Variants in MBNL2 observed in about 807,000 individuals in gnomAD.
The protein encoded by MBNL2 is muscleblind like splicing regulator 2.
MBNL2 carries 17 observed loss-of-function variants against 41.9 expected under a neutral mutation model. The ratio of observed to expected loss-of-function variants is 0.41; its 90% CI spans 0.28 to 0.61. The LOEUF is 0.61. Among genes scored for constraint, MBNL2 ranks in the 20% least tolerant of loss-of-function variants. MBNL2 has a pLI of 0.35. For missense variants in MBNL2, 336 were observed against 505.6 expected (o/e 0.66, Z 3.22); for synonymous variants, 195 against 182.9 (o/e 1.07, Z -0.53).
At chr13:97,263,837 C>G (rs1029482639) in intron 1 of MBNL2, among the ~76,000 whole-genome samples, 1 of 151,846 alleles carries the variant, frequency 6.6e-6, no homozygotes, top group South Asian at 2.1e-4. Flanking sequence ...AAGATGGTCT[C>G]GAACTCCTGA....
At chr13:97,277,376 A>G (rs906843306) in intron 2 of MBNL2, among the ~76,000 whole-genome samples, 7 of 152,196 alleles carry the variant, frequency 4.6e-5, no homozygotes, top group South Asian at 2.1e-4. Flanking sequence ...ACATCTCTGC[A>G]AGACTTCAGC....
rs150370589 is a variant in MBNL2, at chr13:97,341,076, C to T, written c.340-1940C>T. Among the ~76,000 whole-genome samples the T allele has an allele frequency of 1.3e-3, 205 of 152,224 alleles. 2 individuals carry two copies. The highest frequency in any genetic ancestry group is 4.4e-3 in the African/African-American group (181 of 41,528). ...GCAGTATGGGGGAGGGCTCTTTTATCTAAATGTTTACGTTGATAGTCTCTG... is the reference window on the plus strand; with the variant it reads ...GCAGTATGGGGGAGGGCTCTTTTATTTAAATGTTTACGTTGATAGTCTCTG... On this transcript the variant is annotated intron_variant, in intron 3 of 8. Coordinates refer to ENST00000679496, the MANE Select transcript of MBNL2 (RefSeq NM_001382683.1).
At chr13:97,293,494 C>T (rs1475957764) in intron 2 of MBNL2, among the ~76,000 whole-genome samples, 1 of 152,092 alleles carries the variant, frequency 6.6e-6, no homozygotes, top group Non-Finnish European at 1.5e-5. Context: ...AGATGCATTT[C>T]CTGTTCTTAA....
the MBNL2 span, among the ~76,000 whole-genome samples, chr13:97,162,248 G>A: frequency 6.6e-6 from 1 of 152,046 alleles, no homozygotes; most frequent in African/African-American, 2.4e-5. Context: ...AATTTGACAT[G>A]AGATTTTGGG....
At chr13:97,326,890 T>C (rs746703683) in intron 2 of MBNL2, among the ~76,000 whole-genome samples, 8 of 152,214 alleles carry the variant, frequency 5.3e-5, no homozygotes, top group Non-Finnish European at 8.8e-5. Context: ...GGAAATGTAC[T>C]GGGAGGAAGA....
At chr13:97,365,045 G>C in intron 7 of MBNL2, 91 bp from the exon 8 acceptor site, 1 of 840,170 alleles carries the variant, frequency 1.2e-6, no homozygotes, top group Admixed American at 1.7e-5. Flanking sequence ...TTCTGGTTGT[G>C]CTTCAATCTC....
At chr13:97,305,270 CT>C (rs2058023417) in intron 2 of MBNL2, among the ~76,000 whole-genome samples, 1 of 152,100 alleles carries the variant, frequency 6.6e-6, no homozygotes, top group South Asian at 2.1e-4. Flanking sequence ...TCTACTACCC[CT>C]ATGCATAATT....
chr13:97,334,207 T>A lies in MBNL2; in HGVS notation c.175-69T>A, dbSNP rs2060690413. 2 of 1,228,164 alleles carry A rather than the reference T, an allele frequency of 1.6e-6. No homozygotes were observed. Among genetic ancestry groups the A allele is most frequent in the Admixed American group, 2.0e-5 (1 of 49,102 alleles). 76.1% of individuals were successfully genotyped at this position (1,228,164 alleles called of 1,614,324 possible). A position where few individuals can be genotyped will look rare whatever the true frequency, so the allele number is the denominator to read the frequency against. ...CTTGCTTTTGTGCATAAGAAGTGAT[T>A]GTTCAGTGGTTGACTTTGGAGTTGC... On this transcript the variant is annotated intron_variant, in intron 2 of 8. Transcript: ENST00000679496. This position sits in a 1 kb window ranked among gnomAD's most constrained non-coding sequence, Gnocchi z 5.3.
intron 2 of MBNL2, among the ~76,000 whole-genome samples, chr13:97,325,440 T>G (rs923834519): frequency 7.9e-5 from 12 of 152,206 alleles, no homozygotes; most frequent in Admixed American, 6.5e-4. Context: ...CATTTAAAAT[T>G]TTTTTAAAGA....
rs907436530 is a variant in MBNL2, at chr13:97,393,404, T to C, written c.*1955T>C. 1 of 152,438 alleles carries C rather than the reference T, an allele frequency of 6.6e-6. No homozygotes were observed. Among genetic ancestry groups the C allele is most frequent in the African/African-American group, 2.4e-5 (1 of 41,456 alleles). The allele number at this position is 152,438 out of a possible 1,614,324, so 9.4% of individuals were successfully genotyped here. On this transcript the variant is annotated 3_prime_UTR_variant, in exon 9 of 9. Coordinates refer to ENST00000679496, the MANE Select transcript of MBNL2 (RefSeq NM_001382683.1). ...TAACATTGTCTTTCTTTTTTTTCTT[T>C]TGTTTCATGATTTTGATTTTTAAAA... is the stretch of plus-strand genomic sequence containing the variant.
At chr13:97,176,012 C>G in the MBNL2 span, among the ~76,000 whole-genome samples, 1 of 152,154 alleles carries the variant, frequency 6.6e-6, no homozygotes, top group Non-Finnish European at 1.5e-5. Flanking sequence ...CTGAGGTGGC[C>G]AGCCGTCCCA....
chr13:97,254,842 G>A (rs2047224566), intron 1 of MBNL2, among the ~76,000 whole-genome samples: 1 of 152,210 alleles, frequency 6.6e-6, no homozygotes, highest in Admixed American at 6.5e-5. Context: ...CTTTTCAGCA[G>A]CAGGAACAGC....
At chr13:97,328,400 G>C (rs1193421056) in intron 2 of MBNL2, among the ~76,000 whole-genome samples, 1 of 152,154 alleles carries the variant, frequency 6.6e-6, no homozygotes, top group Non-Finnish European at 1.5e-5. Context: ...GTCCCTGAAG[G>C]CTGCGTCTAA....
the MBNL2 span, among the ~76,000 whole-genome samples, chr13:97,164,645 T>C: frequency 6.6e-6 from 1 of 152,018 alleles, no homozygotes; most frequent in South Asian, 2.1e-4. Context: ...GGTAAAGTGG[T>C]ATATTAATGT....
chr13:97,222,657 G>T, intron 1 of MBNL2, 126 bp downstream of exon 1: 1 of 392,706 alleles, frequency 2.5e-6, no homozygotes, highest in Non-Finnish European at 4.5e-6. Context: ...TACTTGCGGG[G>T]GACCCTGGAG....
chr13:97,331,691 T>C (rs1439614327), intron 2 of MBNL2, among the ~76,000 whole-genome samples: 1 of 152,172 alleles, frequency 6.6e-6, no homozygotes, highest in Non-Finnish European at 1.5e-5. Flanking sequence ...AAAATAGGGA[T>C]CATTACTGCT....
intron 2 of MBNL2, among the ~76,000 whole-genome samples, chr13:97,330,093 A>G (rs1257392548): frequency 6.6e-6 from 1 of 152,128 alleles, no homozygotes; most frequent in African/African-American, 2.4e-5. Flanking sequence ...GATTTTCCTC[A>G]CCTTTGTTTA....
chr13:97,304,726 G>C (rs779351978), intron 2 of MBNL2, among the ~76,000 whole-genome samples: 25 of 152,218 alleles, frequency 1.6e-4, no homozygotes, highest in Middle Eastern at 3.4e-3. Flanking sequence ...AAATGACAGA[G>C]CTTTGCAAAC....
chr13:97,276,174 A>G lies in MBNL2; in HGVS notation c.-62A>G, dbSNP rs1275954707. ...TTTTCACAACAGTAGTTTTGGAATC[A>G]TTAGAACTTGGATTGATTTCATCAT... On this transcript the variant is annotated 5_prime_UTR_variant, in exon 2 of 9. Coordinates refer to ENST00000679496, the MANE Select transcript of MBNL2 (RefSeq NM_001382683.1). 2 of 1,325,612 alleles carry G rather than the reference A, an allele frequency of 1.5e-6. No homozygotes were observed. The highest frequency in any genetic ancestry group is 2.2e-6 in the Non-Finnish European group (2 of 929,780). The allele number at this position is 1,325,612 out of a possible 1,614,324, so 82.1% of individuals were successfully genotyped here. A position where few individuals can be genotyped will look rare whatever the true frequency, so the allele number is the denominator to read the frequency against.
Sources: allele counts gnomAD v4.1 joint callset (sites outside exome capture counted in the v4.1 genomes callset), GRCh38; gene constraint gnomAD v4.1.1; non-coding constraint Gnocchi (gnomAD v3.1); transcripts MANE v1.5; gene names NCBI Gene and HGNC (gene_info 2026-07-23, HGNC 2026-07-21).